The following AIMP2 variants were observed in gnomAD, a reference collection of about 807,000 sequenced individuals.
AIMP2 encodes aminoacyl tRNA synthetase complex interacting multifunctional protein 2.
AIMP2 carries 20 observed loss-of-function variants against 23.4 expected under a neutral mutation model. The ratio of observed to expected loss-of-function variants is 0.85; its 90% CI spans 0.60 to 1.24. The LOEUF is 1.24. Ranked by LOEUF, AIMP2 falls within the 50% of genes most tolerant of loss-of-function variation. The pLI, the probability that AIMP2 is intolerant of heterozygous loss-of-function variation, is 0.00. For missense variants in AIMP2, 515 were observed against 414.5 expected (o/e 1.24, Z -2.10); for synonymous variants, 210 against 170.4 (o/e 1.23, Z -1.81).
chr7:6,021,588 C>G (rs1583465372), intron 3 of AIMP2, among the ~76,000 whole-genome samples: 1 of 152,140 alleles, frequency 6.6e-6, no homozygotes, highest in East Asian at 1.9e-4. Flanking sequence ...GGGTATAGAT[C>G]TTGGAGAAAT....
At chr7:6,021,373 A>G (rs537653297) in intron 3 of AIMP2, among the ~76,000 whole-genome samples, 1 of 150,946 alleles carries the variant, frequency 6.6e-6, no homozygotes, top group East Asian at 2.0e-4. Context: ...AACCCTGATT[A>G]GAACATCTTG....
intron 1 of AIMP2, chr7:6,012,880 A>T (rs1300671340): frequency 1.0e-6 from 1 of 990,926 alleles, no homozygotes; most frequent in Non-Finnish European, 1.2e-6. Context: ...TGGCATACTG[A>T]ACTCTGTTCC....
intron 3 of AIMP2, 185 bp from the exon 4 acceptor site, chr7:6,023,118 T>C (rs1787553907): frequency 3.1e-6 from 2 of 650,784 alleles, no homozygotes; most frequent in South Asian, 4.8e-5. Context: ...TAACATAGTT[T>C]GCACTTAAAC....
chr7:6,009,974 A>ATATATATATATATAT (rs1554310935), intron 1 of AIMP2, among the ~76,000 whole-genome samples: 15 of 26,650 alleles, frequency 5.6e-4, no homozygotes, highest in South Asian at 4.6e-3. Flanking sequence ...AAAAAAAAAA[A>ATATATATATATATAT]ATATATATAT....
rs114304661 is a variant in AIMP2, at chr7:6,011,160, C to T, written c.135+1662C>T. ...CAGTCCTGCAGTGAATACTCTTATACAGAGGAGCAGGCATGGGGTATGTAC... is the reference window on the plus strand; with the variant it reads ...CAGTCCTGCAGTGAATACTCTTATATAGAGGAGCAGGCATGGGGTATGTAC... On this transcript the variant is annotated intron_variant, in intron 1 of 3. Transcript: ENST00000223029. 9.0e-3 allele frequency among the ~76,000 whole-genome samples: 1,377 copies of T among 152,262 alleles called. 26 individuals are homozygous for T. Among genetic ancestry groups the T allele is most frequent in the African/African-American group, 0.031 (1,293 of 41,546 alleles).
At chr7:6,016,570 C>G (rs187647367) in intron 2 of AIMP2, among the ~76,000 whole-genome samples, 1 of 152,112 alleles carries the variant, frequency 6.6e-6, no homozygotes, top group African/African-American at 2.4e-5. Context: ...GATGAGTTTT[C>G]GAGCATGCGC....
chr7:6,015,947 A>G (rs181348875), intron 2 of AIMP2, among the ~76,000 whole-genome samples: 4 of 152,312 alleles, frequency 2.6e-5, no homozygotes, highest in Admixed American at 2.0e-4. Context: ...AGCCTCTGCC[A>G]GTCCGGGCAT....
At chr7:6,010,733 G>C (rs1473561308) in intron 1 of AIMP2, among the ~76,000 whole-genome samples, 1 of 151,698 alleles carries the variant, frequency 6.6e-6, no homozygotes, top group East Asian at 1.9e-4. Context: ...ACAGGTGTGA[G>C]CCACCGTGCC....
intron 3 of AIMP2, 184 bp from the exon 4 acceptor site, chr7:6,023,119 G>C (rs908464052): frequency 3.1e-6 from 2 of 651,630 alleles, no homozygotes; most frequent in African/African-American, 3.7e-5. Flanking sequence ...AACATAGTTT[G>C]CACTTAAACC....
chr7:6,012,484 A>T (rs1786752249), intron 1 of AIMP2, among the ~76,000 whole-genome samples: 1 of 152,178 alleles, frequency 6.6e-6, no homozygotes, highest in Admixed American at 6.5e-5. Flanking sequence ...GGACTAGATC[A>T]CGCTGCACTC....
chr7:6,018,968 T>TACACACACACACACACACACACACAC (rs59354100), intron 3 of AIMP2, among the ~76,000 whole-genome samples: 42 of 150,660 alleles, frequency 2.8e-4, no homozygotes, highest in Non-Finnish European at 5.2e-4. Flanking sequence ...TATCAAACCT[T>TACACACACACACACACACACACACAC]ACACACACAC....
At chr7:6,014,997 G>T in intron 1 of AIMP2, 149 bp from the exon 2 acceptor site, 1 of 1,492,644 alleles carries the variant, frequency 6.7e-7, no homozygotes, top group Non-Finnish European at 8.9e-7. Context: ...TGGGATTACA[G>T]GCGTGAGCCA....
chr7:6,016,577 G>C (rs190656374), intron 2 of AIMP2, among the ~76,000 whole-genome samples: 1 of 152,168 alleles, frequency 6.6e-6, no homozygotes, highest in African/African-American at 2.4e-5. Context: ...TTTCGAGCAT[G>C]CGCGGCTGAA....
At chr7:6,009,948 TCAA>T (rs1786456417) in intron 1 of AIMP2, among the ~76,000 whole-genome samples, 1 of 18,200 alleles carries the variant, frequency 5.5e-5, no homozygotes, top group African/African-American at 3.1e-4. Context: ...AAACTCTATC[TCAA>T]AAAAAAAAAA....
intron 1 of AIMP2, among the ~76,000 whole-genome samples, chr7:6,011,381 C>A (rs939741492): frequency 6.6e-6 from 1 of 152,174 alleles, no homozygotes; most frequent in Non-Finnish European, 1.5e-5. Flanking sequence ...TTTCTCCAGA[C>A]TTCTCTAACT....
chr7:6,020,939 A>C lies in AIMP2; in HGVS notation c.575-2364A>C, dbSNP rs553411668. Among the ~76,000 whole-genome samples the C allele has an allele frequency of 5.9e-5, 9 of 152,332 alleles. No individual in the cohort carries two copies. The East Asian group carries it at 1.5e-3, about 26-fold the overall frequency. On this transcript the variant is annotated intron_variant, in intron 3 of 3. Transcript: ENST00000223029. Reference sequence around the variant, plus strand: ...GCTAACACCTGAGACTTAACGGGAAAAGATAAACACAGCTGCTGATCTTTT... The same window carrying C: ...GCTAACACCTGAGACTTAACGGGAACAGATAAACACAGCTGCTGATCTTTT...
intron 1 of AIMP2, among the ~76,000 whole-genome samples, chr7:6,010,366 C>A (rs1786565161): frequency 6.6e-6 from 1 of 151,850 alleles, no homozygotes; most frequent in Admixed American, 6.6e-5. Context: ...ACCCCAGGTC[C>A]TGATTTTTAT....
intron 1 of AIMP2, among the ~76,000 whole-genome samples, chr7:6,010,312 C>T (rs947254964): frequency 2.0e-5 from 3 of 151,954 alleles, no homozygotes; most frequent in African/African-American, 7.3e-5. Context: ...CACACATTGT[C>T]ACCACTCCAT....
rs1786349640 is a variant in AIMP2 at position 6,009,404 on chromosome 7, C to A, written c.41C>A (p.Ala14Glu). The change falls in exon 1 of 4, where the codon GCG (alanine) becomes GAG (glutamate). Residue 14 changes from alanine to glutamate, a missense_variant. Physicochemically the swap from Ala to Glu is moderately radical, Grantham distance 107. Transcript: ENST00000223029. The part of the protein sequence containing the change: ...YQVKPYHGGG[A>E]PLRVELPTCM... ...GTAAAGCCCTATCACGGGGGCGGCGCGCCTCTCCGTGTGGAGCTTCCCACC... is the reference window on the plus strand; with the variant it reads ...GTAAAGCCCTATCACGGGGGCGGCGAGCCTCTCCGTGTGGAGCTTCCCACC... The A allele has an allele frequency of 1.2e-6, 2 of 1,611,624 alleles. No individual in the cohort carries two copies. The highest frequency in any genetic ancestry group is 2.2e-5 in the East Asian group (1 of 44,844).
Sources: gnomAD v4.1 joint callset for allele counts (sites outside exome capture counted in the v4.1 genomes callset) on GRCh38, gnomAD v4.1.1 for gene constraint, MANE v1.5 for transcripts, NCBI Gene and HGNC (gene_info 2026-07-23, HGNC 2026-07-21) for gene names.